The following H3-3A variants were observed in gnomAD, a reference collection of about 807,000 sequenced individuals.
H3-3A encodes the protein histone H3.3.
For missense variants in H3-3A, 7 were observed against 184.0 expected (o/e 0.04, Z 5.57); for synonymous variants, 49 against 61.4 (o/e 0.80, Z 0.95).
rs765942505 is a variant in H3-3A, at chr1:226,071,331, T to C, written c.283-20T>C. On this transcript the variant is annotated intron_variant, in intron 3 of 3. Transcript: ENST00000366815. The stretch of plus-strand genomic sequence containing the variant: ...TTGGAAATAACATCATCAGTAATTT[T>C]TTCTTCATTCCTTTTGCAGGAGGCA... 2 of 1,604,168 alleles carry C rather than the reference T, an allele frequency of 1.2e-6. No individual in the cohort carries two copies. Among genetic ancestry groups the C allele is most frequent in the East Asian group, 4.5e-5 (2 of 44,862 alleles).
At chr1:226,062,621 C>CG (rs1439136691), upstream of H3-3A, 3 of 121,458 alleles carry the variant, frequency 2.5e-5, no homozygotes, top group Non-Finnish European at 3.5e-5. Context: ...GCTATGGGGG[C>CG]GGGGCCGAGC....
chr1:226,065,427 G>A (rs994696887), intron 2 of H3-3A, among the ~76,000 whole-genome samples: 22 of 152,138 alleles, frequency 1.4e-4, no homozygotes, highest in African/African-American at 5.3e-4. Context: ...GGGCTTTGAT[G>A]AATTTCTTGC....
At chr1:226,064,723 C>A (rs1227818486) in intron 2 of H3-3A, among the ~76,000 whole-genome samples, 1 of 151,978 alleles carries the variant, frequency 6.6e-6, no homozygotes, top group East Asian at 1.9e-4. Context: ...AAGGAGACCT[C>A]GTATATCACT....
intron 3 of H3-3A, among the ~76,000 whole-genome samples, chr1:226,069,463 C>T (rs557830440): frequency 6.6e-6 from 1 of 152,192 alleles, no homozygotes; most frequent in Non-Finnish European, 1.5e-5. Context: ...GCCAACTAAC[C>T]TATCATTTCA....
chr1:226,063,794 C>T (rs577651728), intron 1 of H3-3A, among the ~76,000 whole-genome samples: 3 of 151,798 alleles, frequency 2.0e-5, no homozygotes, highest in African/African-American at 7.3e-5. Context: ...AGCTGTTGTT[C>T]CTCTCTTGTT....
intron 3 of H3-3A, 34 bp from the exon 4 acceptor site, chr1:226,071,316 CA>C: frequency 3.2e-6 from 5 of 1,585,130 alleles, no homozygotes; most frequent in Non-Finnish European, 4.3e-6. Flanking sequence ...TTGGAAATAA[CA>C]TCATCAGTAA....
chr1:226,065,932 T>C (rs1487331767), intron 3 of H3-3A, 123 bp downstream of exon 3: 2 of 803,684 alleles, frequency 2.5e-6, no homozygotes, highest in Admixed American at 4.1e-5. Context: ...ATATTGTTAC[T>C]TCACTGTTGA....
rs1658112256 is a variant in H3-3A at position 226,071,249 on chromosome 1, T to C, written c.283-102T>C. 5.7e-6 allele frequency: 5 copies of C among 884,548 alleles called. No individual in the cohort carries two copies. In the South Asian group the frequency reaches 6.1e-5, roughly 11 times the overall value. 54.8% of individuals were successfully genotyped at this position (884,548 alleles called of 1,614,324 possible). ...AATTGTCAGCATCTTGCCCAGTCAT[T>C]TTTTTAAAGGGTTCAAAAACCTTTT... On this transcript the variant is annotated intron_variant, in intron 3 of 3. Coordinates refer to ENST00000366815, the MANE Select transcript of H3-3A (RefSeq NM_002107.7).
At chr1:226,062,125 C>T (rs1454668507), upstream of H3-3A, 1 of 152,088 alleles carries the variant, frequency 6.6e-6, no homozygotes, top group African/African-American at 2.4e-5. Flanking sequence ...CGCTGGATTC[C>T]TATTTGCCAG....
intron 3 of H3-3A, among the ~76,000 whole-genome samples, chr1:226,068,358 AGTGATAC>A (rs2102739407): frequency 6.6e-6 from 1 of 152,324 alleles, no homozygotes; most frequent in Non-Finnish European, 1.5e-5. Context: ...AGTGGTTCTA[AGTGATAC>A]CACTCTGAAA....
At chr1:226,071,260 G>T (rs1558103363) in intron 3 of H3-3A, 91 bp from the exon 4 acceptor site, 6 of 1,020,880 alleles carry the variant, frequency 5.9e-6, no homozygotes, top group South Asian at 4.2e-5. Context: ...TTTTTAAAGG[G>T]TTCAAAAACC....
chr1:226,061,929 C>T (rs2102731972), upstream of H3-3A: 1 of 152,422 alleles, frequency 6.6e-6, no homozygotes, highest in South Asian at 2.1e-4. Context: ...GAGGCCAACA[C>T]CGGCGAGGGG....
upstream of H3-3A, chr1:226,062,225 C>T (rs1195399037): frequency 1.3e-5 from 2 of 151,096 alleles, no homozygotes. Flanking sequence ...TCCTCGGGGG[C>T]GCGCGCCGGG....
chr1:226,066,027 A>G, intron 3 of H3-3A: 2 of 592,124 alleles, frequency 3.4e-6, no homozygotes, highest in South Asian at 4.4e-5. Context: ...TCCAAGGCTT[A>G]GTGCACATTC....
chr1:226,064,204 A>G, intron 1 of H3-3A, 125 bp from the exon 2 acceptor site: 1 of 661,380 alleles, frequency 1.5e-6, no homozygotes, highest in Non-Finnish European at 2.6e-6. Context: ...AAATTATATA[A>G]CAATACGAAC....
chr1:226,064,106 T>G, intron 1 of H3-3A: 1 of 350,278 alleles, frequency 2.9e-6, no homozygotes. Context: ...ATTGGCATTT[T>G]GAGAGGTGAT....
At chr1:226,062,662 C>G (rs1349276796), upstream of H3-3A, 2 of 143,320 alleles carry the variant, frequency 1.4e-5, no homozygotes, top group African/African-American at 2.6e-5. Context: ...TTGGCTGGCG[C>G]GCGGCGCGGG....
At chr1:226,068,344 T>TC (rs1445621619) in intron 3 of H3-3A, among the ~76,000 whole-genome samples, 2 of 152,210 alleles carry the variant, frequency 1.3e-5, no homozygotes. Flanking sequence ...ACATGCCACA[T>TC]CTGAGTGGTT....
intron 3 of H3-3A, among the ~76,000 whole-genome samples, chr1:226,071,124 T>C (rs1221561248): frequency 6.6e-6 from 1 of 152,252 alleles, no homozygotes; most frequent in Non-Finnish European, 1.5e-5. Context: ...ATTTGATTTG[T>C]GTAACTTGAT....
Sources: allele counts gnomAD v4.1 joint callset (sites outside exome capture counted in the v4.1 genomes callset), GRCh38; gene constraint gnomAD v4.1.1; transcripts MANE v1.5; gene names NCBI Gene and HGNC (gene_info 2026-07-23, HGNC 2026-07-21).